The following ABLIM1 variants were observed in gnomAD, a reference collection of about 807,000 sequenced individuals.
ABLIM1 encodes the protein actin binding LIM protein 1.
Under a neutral mutation model 107.0 loss-of-function variants are expected in ABLIM1, and 40 were observed. The observed-to-expected ratio is 0.37, with a 90% CI of 0.29 to 0.49. The LOEUF (loss-of-function observed/expected upper bound fraction) is 0.49, where lower values mean the gene tolerates loss of function less well. ABLIM1 is among the 20% of genes least tolerant of loss of function. ABLIM1 has a pLI of 0.97. For missense variants in ABLIM1, 857 were observed against 1,008.5 expected (o/e 0.85, Z 2.04); for synonymous variants, 357 against 357.3 (o/e 1.00, Z 0.01).
chr10:114,474,170 C>G (rs554283340), intron 8 of ABLIM1, among the ~76,000 whole-genome samples: 1 of 152,268 alleles, frequency 6.6e-6, no homozygotes, highest in South Asian at 2.1e-4. Flanking sequence ...CTTTCTCTGG[C>G]CCTTCCTGCT....
intron 6 of ABLIM1, among the ~76,000 whole-genome samples, chr10:114,500,989 A>G (rs1289663941): frequency 4.6e-5 from 7 of 152,200 alleles, no homozygotes; most frequent in Admixed American, 2.6e-4. Flanking sequence ...GTGTTCTAGA[A>G]GTGTCCAGTG....
chr10:114,457,278 AT>A (rs940289701), intron 12 of ABLIM1, among the ~76,000 whole-genome samples: 3 of 150,330 alleles, frequency 2.0e-5, no homozygotes, highest in Non-Finnish European at 4.4e-5. Flanking sequence ...TTTTATTTTT[AT>A]TTTTTTTTGA....
At chr10:114,647,931 C>A (rs1420809837) in intron 1 of ABLIM1, among the ~76,000 whole-genome samples, 1 of 152,094 alleles carries the variant, frequency 6.6e-6, no homozygotes, top group Admixed American at 6.5e-5. Context: ...GTTTGCAGAC[C>A]TTTATGTTGT....
chr10:114,592,285 T>G (rs2074969161), intron 2 of ABLIM1, among the ~76,000 whole-genome samples: 1 of 152,068 alleles, frequency 6.6e-6, no homozygotes, highest in African/African-American at 2.4e-5. Context: ...AGCACACATA[T>G]CCAAGTGAAG....
intron 4 of ABLIM1, among the ~76,000 whole-genome samples, chr10:114,565,129 C>G (rs1429186623): frequency 6.6e-6 from 1 of 152,196 alleles, no homozygotes; most frequent in Non-Finnish European, 1.5e-5. Flanking sequence ...TTCAGCAGTT[C>G]CCTGCCAGGC....
intron 14 of ABLIM1, among the ~76,000 whole-genome samples, chr10:114,449,741 T>G (rs1478014454): frequency 2.6e-5 from 4 of 152,204 alleles, no homozygotes; most frequent in Non-Finnish European, 4.4e-5. Flanking sequence ...AGTTCTGCAT[T>G]ATGAAGAACA....
At chr10:114,492,444 G>C (rs1428926590) in intron 6 of ABLIM1, among the ~76,000 whole-genome samples, 1 of 152,156 alleles carries the variant, frequency 6.6e-6, no homozygotes, top group Non-Finnish European at 1.5e-5. Flanking sequence ...CTTACATGAA[G>C]AGTTTTCTGG....
At chr10:114,771,180 C>G (rs913147378), upstream of ABLIM1, among the ~76,000 whole-genome samples, 1 of 152,184 alleles carries the variant, frequency 6.6e-6, no homozygotes, top group African/African-American at 2.4e-5. Context: ...CACAATAGTT[C>G]TGGTTCTTAT....
At chr10:114,518,110 G>A (rs192197459) in intron 6 of ABLIM1, among the ~76,000 whole-genome samples, 8 of 152,232 alleles carry the variant, frequency 5.3e-5, no homozygotes, top group Admixed American at 3.9e-4. Context: ...AGAACAACAT[G>A]CATAAAACGG....
At chr10:114,494,011 C>T (rs971598619) in intron 6 of ABLIM1, among the ~76,000 whole-genome samples, 3 of 152,006 alleles carry the variant, frequency 2.0e-5, no homozygotes, top group African/African-American at 7.2e-5. Context: ...AAATTTTTTT[C>T]TAAGTCTAAA....
intron 4 of ABLIM1, among the ~76,000 whole-genome samples, chr10:114,557,295 C>G (rs1268800777): frequency 2.0e-5 from 3 of 152,164 alleles, no homozygotes; most frequent in Non-Finnish European, 2.9e-5. Flanking sequence ...CCAGGGCAAG[C>G]CTCTGAAGTG....
chr10:114,626,988 C>A (rs1429429965), intron 1 of ABLIM1, among the ~76,000 whole-genome samples: 1 of 152,154 alleles, frequency 6.6e-6, no homozygotes, highest in Non-Finnish European at 1.5e-5. Context: ...TGACAGCCCT[C>A]AGAAGGAACC....
intron 15 of ABLIM1, among the ~76,000 whole-genome samples, chr10:114,446,301 T>C (rs1312998858): frequency 1.3e-5 from 2 of 152,202 alleles, no homozygotes; most frequent in African/African-American, 4.8e-5. Flanking sequence ...TTCTCATCCT[T>C]TGAAAAATGG....
At chr10:114,713,579 C>T (rs2081598703) in intron 1 of ABLIM1, among the ~76,000 whole-genome samples, 1 of 152,186 alleles carries the variant, frequency 6.6e-6, no homozygotes, top group African/African-American at 2.4e-5. Context: ...TTTCCTACCA[C>T]TGGTATTTAC....
upstream of ABLIM1, among the ~76,000 whole-genome samples, chr10:114,772,942 T>A (rs1015940423): frequency 6.6e-6 from 1 of 152,130 alleles, no homozygotes; most frequent in Non-Finnish European, 1.5e-5. Context: ...ATAGAAATTT[T>A]AAAACTCATT....
chr10:114,626,160 A>G (rs2077779133), intron 1 of ABLIM1, among the ~76,000 whole-genome samples: 2 of 152,146 alleles, frequency 1.3e-5, no homozygotes, highest in African/African-American at 4.8e-5. Flanking sequence ...CTTTGGTGCC[A>G]GGGTGTAGGT....
intron 1 of ABLIM1, among the ~76,000 whole-genome samples, chr10:114,603,290 T>G (rs1469977105): frequency 6.6e-6 from 1 of 152,230 alleles, no homozygotes; most frequent in Non-Finnish European, 1.5e-5. Flanking sequence ...TCATTTTGCC[T>G]GGCAAGAGTT....
chr10:114,691,833 C>A lies in ABLIM1; in HGVS notation c.-213+76228G>T, dbSNP rs375640779. Among the ~76,000 whole-genome samples the A allele has an allele frequency of 2.0e-5, 3 of 152,212 alleles. No individual in the cohort carries two copies. In the East Asian group the frequency reaches 5.8e-4, roughly 29 times the overall value. On this transcript the variant is annotated intron_variant, in intron 1 of 15. Coordinates refer to the ABLIM1 transcript ENST00000651092. ...AAAATATTCCACACATAGCTTCACC[C>A]CCAGAGAATGAAAGAGGATATTTAT... is the stretch of plus-strand genomic sequence containing the variant.
At chr10:114,541,233 C>G (rs2066620367) in intron 6 of ABLIM1, among the ~76,000 whole-genome samples, 1 of 151,632 alleles carries the variant, frequency 6.6e-6, no homozygotes, top group Non-Finnish European at 1.5e-5. Context: ...AGACGTCTAA[C>G]CTCAAGAACT....
Sources: allele counts gnomAD v4.1 joint callset (sites outside exome capture counted in the v4.1 genomes callset), GRCh38; gene constraint gnomAD v4.1.1; transcripts MANE v1.5; gene names NCBI Gene and HGNC (gene_info 2026-07-23, HGNC 2026-07-21).